Variants in CADPS2 observed in about 807,000 individuals in gnomAD.
The protein encoded by CADPS2 is calcium dependent secretion activator 2.
Under a neutral mutation model 172.5 loss-of-function variants are expected in CADPS2, and 93 were observed. That is an observed-to-expected ratio of 0.54 (90% CI 0.46 to 0.64). The LOEUF (loss-of-function observed/expected upper bound fraction) is 0.64. CADPS2 is among the 30% of genes least tolerant of loss of function. The pLI, the probability that CADPS2 is intolerant of heterozygous loss-of-function variation, is 0.00. For missense variants in CADPS2, 1,420 were observed against 1,565.9 expected (o/e 0.91, Z 1.57); for synonymous variants, 546 against 555.2 (o/e 0.98, Z 0.23).
At chr7:122,883,079 A>C (rs1361671510) in intron 1 of CADPS2, among the ~76,000 whole-genome samples, 1 of 152,214 alleles carries the variant, frequency 6.6e-6, no homozygotes, top group Non-Finnish European at 1.5e-5. Flanking sequence ...AGACAAAAGC[A>C]AAGAAATTCA....
chr7:122,701,615 T>A (rs2086110376), intron 2 of CADPS2: 2 of 351,164 alleles, frequency 5.7e-6, no homozygotes, highest in South Asian at 2.0e-4. Context: ...TAAAATAAAA[T>A]TCACCTAAAA....
Position 122,778,812 on chromosome 7 carries a change from G to A in CADPS2, c.340-41744C>T, listed in dbSNP as rs370593727. Among the ~76,000 whole-genome samples, 20 of 152,348 alleles carry A rather than the reference G, an allele frequency of 1.3e-4. No individual in the cohort carries two copies. In the East Asian group the frequency reaches 3.9e-3, roughly 29 times the overall value. The stretch of plus-strand genomic sequence containing the variant: ...TAAGACTCTGGGGACTGTTGGGAAG[G>A]CATGATTAGTTTTAAAATGTGACGA... On this transcript the variant is annotated intron_variant, in intron 1 of 29. Coordinates refer to ENST00000449022, the MANE Select transcript of CADPS2 (RefSeq NM_017954.11).
chr7:122,404,543 T>C (rs1444460481), intron 20 of CADPS2, among the ~76,000 whole-genome samples: 2 of 152,182 alleles, frequency 1.3e-5, no homozygotes, highest in Non-Finnish European at 1.5e-5. Flanking sequence ...GTATTTCTAG[T>C]TCTAGGTCCC....
intron 15 of CADPS2, 93 bp downstream of exon 15, chr7:122,451,281 G>A (rs754623098): frequency 1.5e-5 from 8 of 523,326 alleles, no homozygotes; most frequent in East Asian, 7.3e-5. Flanking sequence ...GATCTTGAGC[G>A]CTAGTAGAAT....
At chr7:122,617,922 A>G (rs1349893236) in intron 5 of CADPS2, among the ~76,000 whole-genome samples, 3 of 152,098 alleles carry the variant, frequency 2.0e-5, no homozygotes, top group Non-Finnish European at 4.4e-5. Context: ...AGGCACCTGT[A>G]GTCCCAGCTA....
chr7:122,702,057 C>T, intron 2 of CADPS2: 2 of 1,613,604 alleles, frequency 1.2e-6, no homozygotes, highest in East Asian at 2.2e-5. Flanking sequence ...GCTTTCTTCA[C>T]ATCTGTCTTT....
At chr7:122,641,131 C>G (rs1414738438) in intron 3 of CADPS2, among the ~76,000 whole-genome samples, 1 of 151,770 alleles carries the variant, frequency 6.6e-6, no homozygotes, top group South Asian at 2.1e-4. Flanking sequence ...TTTTATTTAA[C>G]AATAGATTAC....
At chr7:122,659,463 C>T (rs905280969) in intron 3 of CADPS2, among the ~76,000 whole-genome samples, 1 of 151,916 alleles carries the variant, frequency 6.6e-6, no homozygotes, top group African/African-American at 2.4e-5. Flanking sequence ...AAGAGTTGAA[C>T]AAACAGAACG....
chr7:122,590,481 C>T (rs2070618374), intron 6 of CADPS2, among the ~76,000 whole-genome samples: 1 of 151,760 alleles, frequency 6.6e-6, no homozygotes, highest in South Asian at 2.1e-4. Flanking sequence ...TAAGACATTC[C>T]CCTTGTATGG....
At chr7:122,508,832 C>T (rs2059813427) in intron 9 of CADPS2, among the ~76,000 whole-genome samples, 1 of 152,016 alleles carries the variant, frequency 6.6e-6, no homozygotes, top group African/African-American at 2.4e-5. Context: ...GGCTACTTGG[C>T]GACTTTTGCA....
At chr7:122,448,026 T>C (rs959650702) in intron 15 of CADPS2, among the ~76,000 whole-genome samples, 6 of 152,186 alleles carry the variant, frequency 3.9e-5, no homozygotes, top group East Asian at 1.9e-4. Flanking sequence ...TTGGAAATGA[T>C]AGTTTCTCAG....
intron 1 of CADPS2, among the ~76,000 whole-genome samples, chr7:122,801,975 T>A (rs1169915307): frequency 6.6e-6 from 1 of 152,102 alleles, no homozygotes; most frequent in Non-Finnish European, 1.5e-5. Flanking sequence ...AATTAAAAAG[T>A]ATTACTTAAA....
In CADPS2 at chr7:122,872,173, T is replaced by C. The variant is rs552874485; in HGVS notation, c.339+13826A>G. 2.0e-5 allele frequency among the ~76,000 whole-genome samples: 3 copies of C among 152,234 alleles called. No individual in the cohort carries two copies. The South Asian group carries it at 6.2e-4, about 32-fold the overall frequency. ...GTATAGCCCCACATTGCTTATCTCTTACATAGTTTTAAGGTGATTTAAAGG... is the reference window on the plus strand; with the variant it reads ...GTATAGCCCCACATTGCTTATCTCTCACATAGTTTTAAGGTGATTTAAAGG... On this transcript the variant is annotated intron_variant, in intron 1 of 29. Transcript: ENST00000449022.
intron 7 of CADPS2, among the ~76,000 whole-genome samples, chr7:122,574,069 G>A (rs1180202244): frequency 3.3e-5 from 5 of 151,864 alleles, no homozygotes; most frequent in African/African-American, 7.3e-5. Flanking sequence ...GCACTGACAC[G>A]GTATTTTTGA....
At chr7:122,720,946 T>C (rs10268190) in intron 2 of CADPS2, among the ~76,000 whole-genome samples, 7,043 of 152,150 alleles carry the variant, frequency 0.046, 224 homozygotes, top group Non-Finnish European at 0.049. Flanking sequence ...TTGAAATATA[T>C]GTGCCAGGCG....
chr7:122,358,764 C>A (rs2039751197), intron 27 of CADPS2, among the ~76,000 whole-genome samples: 1 of 152,090 alleles, frequency 6.6e-6, no homozygotes, highest in Admixed American at 6.5e-5. Context: ...TATTCACAGG[C>A]ATCAACAATA....
intron 6 of CADPS2, among the ~76,000 whole-genome samples, chr7:122,609,071 T>A (rs2073968072): frequency 1.3e-5 from 2 of 151,966 alleles, no homozygotes; most frequent in South Asian, 4.2e-4. Context: ...ATGCTAAATG[T>A]TTTTCCCTAT....
At chr7:122,762,425 A>G (rs1589051102) in intron 1 of CADPS2, among the ~76,000 whole-genome samples, 1 of 152,274 alleles carries the variant, frequency 6.6e-6, no homozygotes, top group East Asian at 1.9e-4. Flanking sequence ...ATGGAAGTTA[A>G]TATGAATCAA....
chr7:122,611,447 G>A (rs2074281487), intron 6 of CADPS2, among the ~76,000 whole-genome samples: 1 of 151,880 alleles, frequency 6.6e-6, no homozygotes, highest in South Asian at 2.1e-4. Context: ...TAGAGAACTT[G>A]GATGAATTGA....
Sources: allele counts gnomAD v4.1 joint callset (sites outside exome capture counted in the v4.1 genomes callset), GRCh38; gene constraint gnomAD v4.1.1; transcripts MANE v1.5; gene names NCBI Gene and HGNC (gene_info 2026-07-23, HGNC 2026-07-21).